The following ZNF17 variants were observed in gnomAD, a reference collection of about 807,000 sequenced individuals.
ZNF17 encodes the protein zinc finger protein 17.
A neutral mutation model predicts 7.7 loss-of-function variants in ZNF17; 4 were observed. The observed-to-expected ratio is 0.52, with a 90% CI of 0.26 to 1.20. The LOEUF (loss-of-function observed/expected upper bound fraction) is 1.20, where lower values mean the gene tolerates loss of function less well. Among genes scored for constraint, ZNF17 ranks in the 50% most tolerant of loss-of-function variants. The pLI, the probability that ZNF17 is intolerant of heterozygous loss-of-function variation, is 0.14. For missense variants in ZNF17, 738 were observed against 799.5 expected (o/e 0.92, Z 0.93); for synonymous variants, 249 against 258.8 (o/e 0.96, Z 0.36).
At position 57,421,402 on chromosome 19, in the gene ZNF17, C is replaced by G. The variant is rs1199590766; in HGVS notation, c.1916C>G (p.Pro639Arg). 5 of 1,613,990 alleles carry G rather than the reference C, an allele frequency of 3.1e-6. No individual in the cohort carries two copies. Among genetic ancestry groups the G allele is most frequent in the Non-Finnish European group, 4.2e-6 (5 of 1,180,002 alleles). Reference sequence around the variant, plus strand: ...CGGAGAATTCACACTGGAGAGAGACCTTATCAGTGCAGTGAATGTGGAAGA... The same window carrying G: ...CGGAGAATTCACACTGGAGAGAGACGTTATCAGTGCAGTGAATGTGGAAGA... ...KHRRIHTGER[P>R]YQCSECGRVF... The change falls in exon 4 of 4, where the codon CCT becomes CGT. Residue 639 changes from proline to arginine, a missense_variant. Pro to Arg is a moderately radical substitution (Grantham distance 103). Around this residue, in one of 3 missense-constraint regions of ZNF17, gnomAD observed 116 missense variants for 114.0 expected, o/e 1.02. Transcript: ENST00000307658.
chr19:57,421,538 T>C lies in ZNF17; in HGVS notation c.*57T>C. 6.6e-7 allele frequency: 1 copy of C among 1,520,268 alleles called. No individual in the cohort carries two copies. Among genetic ancestry groups the C allele is most frequent in the Non-Finnish European group, 8.8e-7 (1 of 1,133,812 alleles). 94.2% of individuals were successfully genotyped at this position (1,520,268 alleles called of 1,614,324 possible). A position where few individuals can be genotyped will look rare whatever the true frequency, so the allele number is the denominator to read the frequency against. ...CTTCACACAGAAATCTACTCTGATT[T>C]AGCACTGGGACCTACGTTTTAAAAA... is the stretch of plus-strand genomic sequence containing the variant. On this transcript the variant is annotated 3_prime_UTR_variant, in exon 4 of 4. Coordinates refer to ENST00000307658, the MANE Select transcript of ZNF17 (RefSeq NM_001330617.2).
chr19:57,421,204 G>A lies in ZNF17; in HGVS notation c.1718G>A (p.Arg573Gln), dbSNP rs752183738. The change falls in exon 4 of 4, where the codon CGG becomes CAG. Residue 573 changes from arginine (R) to glutamine (Q), a missense_variant. Around this residue, in one of 3 missense-constraint regions of ZNF17, gnomAD observed 116 missense variants for 114.0 expected, o/e 1.02. Transcript: ENST00000307658. ...RVFSQNSHLI[R>Q]HQKVHTRERT... ...TTTAGCCAAAATTCCCACCTCATTC[G>A]GCACCAAAAAGTTCACACTAGGGAA... The A allele has an allele frequency of 2.3e-5, 37 of 1,613,880 alleles. No homozygotes were observed. The highest frequency in any genetic ancestry group is 1.2e-4 in the African/African-American group (9 of 74,836).
At chr19:57,414,289 C>T (rs1210714931) in intron 2 of ZNF17, among the ~76,000 whole-genome samples, 1 of 151,482 alleles carries the variant, frequency 6.6e-6, no homozygotes, top group African/African-American at 2.4e-5. Flanking sequence ...TGCCTCGGCC[C>T]TCCCAAGGTG....
chr19:57,411,181 C>T lies in ZNF17; in HGVS notation c.-246C>T. 1.6e-6 allele frequency: 1 copy of T among 628,464 alleles called. No homozygotes were observed. The highest frequency in any genetic ancestry group is 2.6e-6 in the Non-Finnish European group (1 of 383,326). The allele number at this position is 628,464 out of a possible 1,614,324, so 38.9% of individuals were successfully genotyped here. ...TTCCTGCAACGCCTCCTGGGGTTGTCAATATGGCTGCGTTGGGATCTGTTC... is the reference window on the plus strand; with the variant it reads ...TTCCTGCAACGCCTCCTGGGGTTGTTAATATGGCTGCGTTGGGATCTGTTC... On this transcript the variant is annotated 5_prime_UTR_variant, in exon 1 of 4. Transcript: ENST00000307658.
At chr19:57,411,589 A>G (rs1216245155) in intron 1 of ZNF17, 183 bp downstream of exon 1, 9 of 1,417,296 alleles carry the variant, frequency 6.4e-6, no homozygotes, top group Non-Finnish European at 7.4e-6. Flanking sequence ...TGCGAGGCTT[A>G]GAGGTGCTGC....
At chr19:57,411,748 G>A (rs2088778464) in intron 1 of ZNF17, 1 of 1,048,270 alleles carries the variant, frequency 9.5e-7, no homozygotes, top group South Asian at 3.7e-5. Flanking sequence ...GTTTAAAGTT[G>A]GGAAAAACAG....
intron 3 of ZNF17, 142 bp from the exon 4 acceptor site, chr19:57,419,493 G>C (rs2088832960): frequency 1.1e-6 from 1 of 877,996 alleles, no homozygotes; most frequent in Admixed American, 2.9e-5. Context: ...TGCCCAGTAG[G>C]CTTTCCTCTC....
intron 3 of ZNF17, among the ~76,000 whole-genome samples, chr19:57,418,633 A>G (rs903948621): frequency 6.6e-6 from 1 of 152,078 alleles, no homozygotes; most frequent in Middle Eastern, 3.2e-3. Context: ...CAGAGTGGAC[A>G]TTACTCCATT....
rs2088834082 is a variant in ZNF17, at chr19:57,419,642, G to T, written c.156G>T (p.Trp52Cys). The T allele has an allele frequency of 6.2e-7, 1 of 1,609,748 alleles. No homozygotes were observed. The highest frequency in any genetic ancestry group is 8.5e-7 in the Non-Finnish European group (1 of 1,176,856). The change falls in exon 4 of 4, where the codon TGG becomes TGT. Residue 52 changes from tryptophan to cysteine, a missense_variant. Physicochemically the swap from Trp to Cys is radical, Grantham distance 215. Coordinates refer to ENST00000307658, the MANE Select transcript of ZNF17 (RefSeq NM_001330617.2). ...NFALLSSVGC[W>C]HGAKDEEAPS... ...TGAGCATTTCTGTTTTAGGTTGTTG[G>T]CATGGAGCCAAGGATGAGGAGGCAC...
Position 57,411,294 on chromosome 19 carries a change from G to A in ZNF17, c.-133G>A. The A allele has an allele frequency of 4.6e-6, 7 of 1,524,098 alleles. No homozygotes were observed. The highest frequency in any genetic ancestry group is 4.4e-6 in the Non-Finnish European group (5 of 1,125,542). The allele number at this position is 1,524,098 out of a possible 1,614,324, so 94.4% of individuals were successfully genotyped here. On this transcript the variant is annotated 5_prime_UTR_variant, in exon 1 of 4. Transcript: ENST00000307658. ...TTGTACAGAGGCTAGAGTGAGGCTC[G>A]GTTGAATCGGTTGCAGGCGTTGGTG...
intron 3 of ZNF17, 71 bp downstream of exon 3, chr19:57,418,109 C>T (rs577223279): frequency 8.2e-5 from 128 of 1,558,656 alleles, no homozygotes; most frequent in Non-Finnish European, 9.9e-5. Flanking sequence ...TTGGCATCTC[C>T]GTCTCACACC....
chr19:57,419,467 C>T (rs930109503), intron 3 of ZNF17, 168 bp from the exon 4 acceptor site: 29 of 671,356 alleles, frequency 4.3e-5, no homozygotes, highest in Non-Finnish European at 7.2e-5. Flanking sequence ...TTATGGGTTT[C>T]TGTCAGTCCC....
rs564989183 is a variant in ZNF17 at position 57,420,822 on chromosome 19, T to G, written c.1336T>G (p.Cys446Gly). ...RVHTGEKPYE[C>G]NKCGKFFRYC... ...TCATACTGGAGAAAAGCCTTATGAATGCAACAAATGTGGGAAATTCTTTAG... is the reference window on the plus strand; with the variant it reads ...TCATACTGGAGAAAAGCCTTATGAAGGCAACAAATGTGGGAAATTCTTTAG... Residue 446 changes from cysteine (C) to glycine (G), a missense_variant, in exon 4 of 4, where the codon TGC becomes GGC. By Grantham distance (159) the Cys-to-Gly change is radical. This residue lies in a region of ZNF17 where 616 missense variants were observed against 663.9 expected (regional missense o/e 0.93). Coordinates refer to ENST00000307658, the MANE Select transcript of ZNF17 (RefSeq NM_001330617.2). 1 of 1,614,132 alleles carries G rather than the reference T, an allele frequency of 6.2e-7. No homozygotes were observed. The highest frequency in any genetic ancestry group is 1.3e-5 in the African/African-American group (1 of 75,026).
Position 57,421,574 on chromosome 19 carries a change from G to A in ZNF17, c.*93G>A. On this transcript the variant is annotated 3_prime_UTR_variant, in exon 4 of 4. Transcript: ENST00000307658. ...CCTACGTTTTAAAAAAAGTATTCTTGTAGAATACAGATAACATAAAATCTA... is the reference window on the plus strand; with the variant it reads ...CCTACGTTTTAAAAAAAGTATTCTTATAGAATACAGATAACATAAAATCTA... The A allele has an allele frequency of 7.5e-7, 1 of 1,332,996 alleles. No individual in the cohort carries two copies. The highest frequency in any genetic ancestry group is 1.0e-6 in the Non-Finnish European group (1 of 978,174). 82.6% of individuals were successfully genotyped at this position (1,332,996 alleles called of 1,614,324 possible).
Position 57,420,372 on chromosome 19 carries a change from A to C in ZNF17, c.886A>C (p.Arg296=), listed in dbSNP as rs754322172. 6.2e-7 allele frequency: 1 copy of C among 1,614,166 alleles called. No homozygotes were observed. Among genetic ancestry groups the C allele is most frequent in the Admixed American group, 1.7e-5 (1 of 60,030 alleles). The change falls in exon 4 of 4, where the codon AGG becomes CGG. Residue 296 remains arginine (R), a synonymous_variant. Coordinates refer to ENST00000307658, the MANE Select transcript of ZNF17 (RefSeq NM_001330617.2). ...LRKSHLLQHQ[R]IHTRPRPYVC... ...AAAGTCTCACCTACTTCAGCACCAGAGGATTCACACCAGGCCAAGGCCTTA... is the reference window on the plus strand; with the variant it reads ...AAAGTCTCACCTACTTCAGCACCAGCGGATTCACACCAGGCCAAGGCCTTA...
chr19:57,420,989 A>G lies in ZNF17; in HGVS notation c.1503A>G (p.Glu501=). ...TTCACACTGGAGAAAGACCTTTTGAATGCAGCATTTGTGGGAAATCCTTTA... is the reference window on the plus strand; with the variant it reads ...TTCACACTGGAGAAAGACCTTTTGAGTGCAGCATTTGTGGGAAATCCTTTA... ...QRVHTGERPF[E]CSICGKSFRC... The change falls in exon 4 of 4, where the codon GAA becomes GAG. Residue 501 remains glutamate (E), a synonymous_variant. Coordinates refer to ENST00000307658, the MANE Select transcript of ZNF17 (RefSeq NM_001330617.2). The G allele has an allele frequency of 6.2e-7, 1 of 1,614,000 alleles. No individual in the cohort carries two copies. Among genetic ancestry groups the G allele is most frequent in the Non-Finnish European group, 8.5e-7 (1 of 1,179,986 alleles).
Position 57,421,211 on chromosome 19 carries a change from A to C in ZNF17, c.1725A>C (p.Gln575His), listed in dbSNP as rs2088849216. The change falls in exon 4 of 4, where the codon CAA (glutamine) becomes CAC (histidine). Residue 575 changes from glutamine to histidine, a missense_variant. Coordinates refer to ENST00000307658, the MANE Select transcript of ZNF17 (RefSeq NM_001330617.2). ...AAAATTCCCACCTCATTCGGCACCAAAAAGTTCACACTAGGGAAAGAACTT... is the reference window on the plus strand; with the variant it reads ...AAAATTCCCACCTCATTCGGCACCACAAAGTTCACACTAGGGAAAGAACTT... ...FSQNSHLIRH[Q>H]KVHTRERTYK... The C allele has an allele frequency of 2.5e-5, 41 of 1,614,122 alleles. No individual in the cohort carries two copies. The highest frequency in any genetic ancestry group is 3.1e-5 in the Non-Finnish European group (37 of 1,180,026).
intron 1 of ZNF17, among the ~76,000 whole-genome samples, chr19:57,412,901 C>T (rs112414912): frequency 4.3e-4 from 64 of 149,452 alleles, no homozygotes; most frequent in African/African-American, 1.5e-3. Context: ...TTTTTTGAGA[C>T]GGAGTCTCGC....
At position 57,421,106 on chromosome 19, in the gene ZNF17, C is replaced by T. The variant is rs781712089; in HGVS notation, c.1620C>T (p.Asn540=). The change falls in exon 4 of 4, where the codon AAC becomes AAT. Residue 540 remains asparagine (N), a synonymous_variant. Coordinates refer to ENST00000307658, the MANE Select transcript of ZNF17 (RefSeq NM_001330617.2). ...CSECGKFFRH[N]SNHIRHRRNH... ...AATGTGGGAAATTCTTTAGGCACAACTCAAATCATATTAGACATCGGAGAA... is the reference window on the plus strand; with the variant it reads ...AATGTGGGAAATTCTTTAGGCACAATTCAAATCATATTAGACATCGGAGAA... The T allele has an allele frequency of 1.1e-5, 18 of 1,613,998 alleles. No homozygotes were observed. The highest frequency in any genetic ancestry group is 1.5e-5 in the Non-Finnish European group (18 of 1,179,838).
Sources: allele counts gnomAD v4.1 joint callset (sites outside exome capture counted in the v4.1 genomes callset), GRCh38; gene constraint gnomAD v4.1.1; regional missense constraint gnomAD v4.1.1; transcripts MANE v1.5; gene names NCBI Gene and HGNC (gene_info 2026-07-23, HGNC 2026-07-21).